Variants in PRMT3 observed in about 807,000 individuals in gnomAD.
The protein encoded by PRMT3 is protein arginine N-methyltransferase 3.
Under a neutral mutation model 71.9 loss-of-function variants are expected in PRMT3, and 62 were observed. That is an observed-to-expected ratio of 0.86 (90% CI 0.70 to 1.07). The LOEUF is 1.07. Ranked by LOEUF, PRMT3 falls within the 50% of genes least tolerant of loss-of-function variation. The pLI is 0.00. For missense variants in PRMT3, 663 were observed against 643.0 expected (o/e 1.03, Z -0.34); for synonymous variants, 213 against 220.4 (o/e 0.97, Z 0.30).
At chr11:20,476,859 G>GC (rs1450149742) in intron 13 of PRMT3, among the ~76,000 whole-genome samples, 12 of 151,878 alleles carry the variant, frequency 7.9e-5, no homozygotes, top group African/African-American at 2.2e-4. Flanking sequence ...CAAGTGATCT[G>GC]CGATTTTGCT....
At chr11:20,419,253 A>G (rs945642738) in intron 9 of PRMT3, among the ~76,000 whole-genome samples, 1 of 152,226 alleles carries the variant, frequency 6.6e-6, no homozygotes, top group Non-Finnish European at 1.5e-5. Context: ...TTGATTGCTA[A>G]TGAAACTGAG....
chr11:20,408,060 G>A lies in PRMT3; in HGVS notation c.893+28G>A, dbSNP rs370807624. On this transcript the variant is annotated intron_variant, in intron 9 of 15. Coordinates refer to ENST00000331079, the MANE Select transcript of PRMT3 (RefSeq NM_005788.4). ...ACATATATTTTAAGCCTTCATTTAA[G>A]ATTATTTTAAAATTTAATGATTATT... is the stretch of plus-strand genomic sequence containing the variant. 9.2e-5 allele frequency: 132 copies of A among 1,437,504 alleles called. 1 individual carries two copies. The highest frequency in any genetic ancestry group is 1.2e-4 in the Non-Finnish European group (126 of 1,058,804). The allele number at this position is 1,437,504 out of a possible 1,614,324, so 89.0% of individuals were successfully genotyped here.
chr11:20,463,283 G>A (rs1037828333), intron 12 of PRMT3, among the ~76,000 whole-genome samples: 4 of 152,202 alleles, frequency 2.6e-5, no homozygotes, highest in African/African-American at 9.7e-5. Flanking sequence ...ACAAGAGCAG[G>A]CTGATTAAAA....
intron 10 of PRMT3, among the ~76,000 whole-genome samples, chr11:20,430,363 TG>T (rs1240547649): frequency 6.6e-6 from 1 of 152,214 alleles, no homozygotes; most frequent in African/African-American, 2.4e-5. Flanking sequence ...TCTTCTACTG[TG>T]GTCCACTAAC....
chr11:20,413,632 G>T (rs1005982610), intron 9 of PRMT3, among the ~76,000 whole-genome samples: 2 of 152,072 alleles, frequency 1.3e-5, no homozygotes, highest in Non-Finnish European at 2.9e-5. Context: ...TTTTACGTTT[G>T]GGTGGTTATG....
At chr11:20,436,607 A>C (rs370314482) in intron 10 of PRMT3, among the ~76,000 whole-genome samples, 18 of 152,132 alleles carry the variant, frequency 1.2e-4, no homozygotes, top group African/African-American at 2.9e-4. Flanking sequence ...ACATTTTGTC[A>C]TCCTTGCATA....
chr11:20,472,464 T>G (rs549758601), intron 13 of PRMT3, among the ~76,000 whole-genome samples: 1 of 152,356 alleles, frequency 6.6e-6, no homozygotes, highest in African/African-American at 2.4e-5. Flanking sequence ...TTGTGTGATT[T>G]TTGTCATTGG....
chr11:20,388,242 A>G, intron 2 of PRMT3, 88 bp downstream of exon 2: 4 of 1,572,728 alleles, frequency 2.5e-6, no homozygotes, highest in Non-Finnish European at 3.5e-6. Flanking sequence ...GGCGGGAGGC[A>G]AGCCAGAGTG....
chr11:20,460,223 A>G (rs1850353198), intron 11 of PRMT3, among the ~76,000 whole-genome samples: 1 of 152,184 alleles, frequency 6.6e-6, no homozygotes, highest in Non-Finnish European at 1.5e-5. Context: ...TACACCTGAA[A>G]GCTAGTTAAT....
At chr11:20,428,824 C>T (rs1849598795) in intron 10 of PRMT3, among the ~76,000 whole-genome samples, 1 of 152,170 alleles carries the variant, frequency 6.6e-6, no homozygotes, top group African/African-American at 2.4e-5. Flanking sequence ...CATTTCTTCC[C>T]TTCTTACTTT....
intron 13 of PRMT3, among the ~76,000 whole-genome samples, chr11:20,472,715 T>C (rs768510705): frequency 1.5e-4 from 23 of 152,200 alleles, no homozygotes; most frequent in Admixed American, 7.9e-4. Context: ...ATCAGGATGA[T>C]GCTGGCCTCA....
At chr11:20,455,820 G>A (rs1850256187) in intron 11 of PRMT3, among the ~76,000 whole-genome samples, 1 of 151,672 alleles carries the variant, frequency 6.6e-6, no homozygotes, top group Non-Finnish European at 1.5e-5. Context: ...ATGATATACT[G>A]TAGCAAATTC....
At chr11:20,475,421 C>T (rs538193946) in intron 13 of PRMT3, among the ~76,000 whole-genome samples, 20 of 152,114 alleles carry the variant, frequency 1.3e-4, no homozygotes, top group African/African-American at 3.9e-4. Context: ...ATTCATTTGC[C>T]GCTTTCATTC....
chr11:20,456,300 TAAG>T (rs10562154), intron 11 of PRMT3, among the ~76,000 whole-genome samples: 1,629 of 152,346 alleles, frequency 0.011, 24 homozygotes, highest in African/African-American at 0.037. Flanking sequence ...AAAAATGTCT[TAAG>T]AAATCTTTGC....
intron 13 of PRMT3, among the ~76,000 whole-genome samples, chr11:20,469,862 A>G (rs1850601661): frequency 6.6e-6 from 1 of 152,024 alleles, no homozygotes; most frequent in South Asian, 2.1e-4. Flanking sequence ...TGGTATAGCA[A>G]TTTTCAGTTT....
intron 10 of PRMT3, among the ~76,000 whole-genome samples, chr11:20,432,799 G>A (rs1590060166): frequency 6.6e-6 from 1 of 152,038 alleles, no homozygotes; most frequent in Non-Finnish European, 1.5e-5. Flanking sequence ...TTTCCTGATG[G>A]TTAGTAATGT....
At chr11:20,442,026 C>T (rs915934418) in intron 10 of PRMT3, among the ~76,000 whole-genome samples, 2 of 152,164 alleles carry the variant, frequency 1.3e-5, no homozygotes, top group Non-Finnish European at 2.9e-5. Flanking sequence ...CTCCTGACCT[C>T]AGGTGATCTG....
intron 13 of PRMT3, among the ~76,000 whole-genome samples, chr11:20,477,884 G>T (rs1850834633): frequency 6.7e-6 from 1 of 149,312 alleles, no homozygotes; most frequent in Non-Finnish European, 1.5e-5. Context: ...GAATTGGTTT[G>T]AAGAGAGGAC....
chr11:20,482,040 CAT>C (rs1850948982), intron 13 of PRMT3, among the ~76,000 whole-genome samples: 1 of 151,988 alleles, frequency 6.6e-6, no homozygotes, highest in South Asian at 2.1e-4. Flanking sequence ...ATACTGAAAT[CAT>C]ATTTGAACCT....
Sources: allele counts gnomAD v4.1 joint callset (sites outside exome capture counted in the v4.1 genomes callset), GRCh38; gene constraint gnomAD v4.1.1; transcripts MANE v1.5; gene names NCBI Gene and HGNC (gene_info 2026-07-23, HGNC 2026-07-21).